Variants in VIPR2 observed in about 807,000 individuals in gnomAD.
VIPR2 encodes vasoactive intestinal peptide receptor 2.
Under a neutral mutation model 58.0 loss-of-function variants are expected in VIPR2, and 48 were observed. The ratio of observed to expected loss-of-function variants is 0.83; its 90% CI spans 0.66 to 1.05. VIPR2 has a LOEUF of 1.05. Among genes scored for constraint, VIPR2 ranks in the 50% least tolerant of loss-of-function variants. The pLI, the probability that VIPR2 is intolerant of heterozygous loss-of-function variation, is 0.00. For synonymous variants in VIPR2, 243 were observed against 235.2 expected, an observed-to-expected ratio of 1.03 and a Z score of -0.30; for missense variants, 534 against 558.0, an observed-to-expected ratio of 0.96 and a Z score of 0.43.
Position 159,064,620 on chromosome 7 carries a change from G to A in VIPR2, c.358-6042C>T, listed in dbSNP as rs557656888. 9.3e-4 allele frequency among the ~76,000 whole-genome samples: 141 copies of A among 152,232 alleles called. 2 individuals are homozygous for A. The highest frequency in any genetic ancestry group is 8.4e-4 in the Non-Finnish European group (57 of 67,992). On this transcript the variant is annotated intron_variant, in intron 4 of 12. Transcript: ENST00000262178. ...GTACAGGGCCTGGGTTTGGGTCCTG[G>A]GTGCAGTGGCACAGAGGCCGGCCAG...
At chr7:159,035,675 C>T (rs1853896060) in intron 8 of VIPR2, 1 of 984,542 alleles carries the variant, frequency 1.0e-6, no homozygotes. Flanking sequence ...GCTGTGCCCA[C>T]CGCAGGGGCT....
intron 4 of VIPR2, among the ~76,000 whole-genome samples, chr7:159,084,396 C>T (rs1437156826): frequency 1.3e-5 from 2 of 152,220 alleles, no homozygotes; most frequent in Non-Finnish European, 2.9e-5. Flanking sequence ...GAGACAGGAA[C>T]AGCGTGAGGC....
intron 2 of VIPR2, among the ~76,000 whole-genome samples, chr7:159,111,989 C>A (rs114829073): frequency 6.6e-6 from 1 of 151,836 alleles, no homozygotes; most frequent in Non-Finnish European, 1.5e-5. Flanking sequence ...CCAGCCCGGG[C>A]GACAGAGCGA....
intron 6 of VIPR2, among the ~76,000 whole-genome samples, chr7:159,041,638 A>AGGGTCCTGAGGGTCCGTCAT (rs1854343619): frequency 8.8e-6 from 1 of 113,940 alleles, no homozygotes; most frequent in African/African-American, 3.0e-5. Flanking sequence ...AGGGTCCGTC[A>AGGGTCCTGAGGGTCCGTCAT]GGGTCCTGAG....
At chr7:159,089,716 CAGCA>C (rs1857355065) in intron 4 of VIPR2, among the ~76,000 whole-genome samples, 1 of 152,100 alleles carries the variant, frequency 6.6e-6, no homozygotes, top group Non-Finnish European at 1.5e-5. Flanking sequence ...ACAACAACAA[CAGCA>C]AAAACCTGTC....
intron 2 of VIPR2, among the ~76,000 whole-genome samples, chr7:159,122,828 G>A (rs2129496938): frequency 6.6e-6 from 1 of 152,328 alleles, no homozygotes. Flanking sequence ...ACCAGTTGAG[G>A]TGGGAAAATC....
At chr7:159,101,547 C>T (rs549909824) in intron 4 of VIPR2, among the ~76,000 whole-genome samples, 79 of 123,968 alleles carry the variant, frequency 6.4e-4, no homozygotes, top group African/African-American at 2.4e-3. Context: ...GAGGCGGTTC[C>T]CCTGACTGTT....
rs116515248 is a variant in VIPR2 at position 159,113,652 on chromosome 7, G to A, written c.152-3733C>T. Among the ~76,000 whole-genome samples the A allele has an allele frequency of 5.5e-3, 843 of 152,228 alleles. 10 individuals are homozygous for A. The highest frequency in any genetic ancestry group is 0.017 in the African/African-American group (720 of 41,538). ...GTGAAAAACCCAGCAACAGAAAAAC[G>A]AGGAAAAGCATAAAGTTATGAAGAA... is the stretch of plus-strand genomic sequence containing the variant. On this transcript the variant is annotated intron_variant, in intron 2 of 12. Transcript: ENST00000262178.
In VIPR2 at chr7:159,030,605, C is replaced by T; in HGVS notation, c.*11G>A. Reference sequence around the variant, plus strand: ...TGGGCCTCCCGCCGCGTCCGACAGGCAGGGGTGGGGCTAGATGACCGAGGT... The same window carrying T: ...TGGGCCTCCCGCCGCGTCCGACAGGTAGGGGTGGGGCTAGATGACCGAGGT... On this transcript the variant is annotated 3_prime_UTR_variant, in exon 13 of 13. Coordinates refer to ENST00000262178, the MANE Select transcript of VIPR2 (RefSeq NM_003382.5). 4 of 1,524,310 alleles carry T rather than the reference C, an allele frequency of 2.6e-6. No individual in the cohort carries two copies. Among genetic ancestry groups the T allele is most frequent in the Non-Finnish European group, 3.5e-6 (4 of 1,132,614 alleles). The allele number at this position is 1,524,310 out of a possible 1,614,324, so 94.4% of individuals were successfully genotyped here.
At chr7:159,109,541 G>A (rs548891334) in intron 3 of VIPR2, among the ~76,000 whole-genome samples, 20 of 152,262 alleles carry the variant, frequency 1.3e-4, no homozygotes, top group African/African-American at 3.4e-4. Flanking sequence ...TCTCATGCAC[G>A]TTTCCCGTGC....
At chr7:159,084,867 T>C (rs1857092244) in intron 4 of VIPR2, among the ~76,000 whole-genome samples, 1 of 152,322 alleles carries the variant, frequency 6.6e-6, no homozygotes. Flanking sequence ...TCAAATGTTT[T>C]AGACACCGTC....
At chr7:159,126,137 T>A (rs1229337123) in intron 2 of VIPR2, among the ~76,000 whole-genome samples, 1 of 152,200 alleles carries the variant, frequency 6.6e-6, no homozygotes, top group Non-Finnish European at 1.5e-5. Flanking sequence ...GCTGAAACGG[T>A]GGCCCACACT....
intron 1 of VIPR2, 87 bp downstream of exon 1, chr7:159,144,634 G>A (rs1343614387): frequency 7.3e-6 from 10 of 1,379,128 alleles, no homozygotes; most frequent in Non-Finnish European, 9.4e-6. Context: ...CCGGGAGGAA[G>A]GCGAAGACCG....
At chr7:159,051,556 G>T (rs1194005101) in intron 5 of VIPR2, among the ~76,000 whole-genome samples, 3 of 152,190 alleles carry the variant, frequency 2.0e-5, no homozygotes, top group Non-Finnish European at 4.4e-5. Flanking sequence ...GTTGTCATAA[G>T]TAGACTGTGC....
intron 2 of VIPR2, among the ~76,000 whole-genome samples, chr7:159,118,699 TCTTAC>T (rs1796338991): frequency 1.3e-5 from 2 of 152,254 alleles, no homozygotes; most frequent in Non-Finnish European, 2.9e-5. Flanking sequence ...TGACTTTTTC[TCTTAC>T]CTTAAGAGAA....
At position 159,093,842 on chromosome 7, in the gene VIPR2, G is replaced by A. The variant is rs1857652186; in HGVS notation, c.357+9915C>T. 6.6e-6 allele frequency among the ~76,000 whole-genome samples: 1 copy of A among 152,158 alleles called. No homozygotes were observed. Among genetic ancestry groups the A allele is most frequent in the Non-Finnish European group, 1.5e-5 (1 of 68,032 alleles). ...TGGGTCCGGACATGGGAGAGGCCCC[G>A]CAGTGTCCCTGAGTCTCCTGGACAG... On this transcript the variant is annotated intron_variant, in intron 4 of 12. Coordinates refer to ENST00000262178, the MANE Select transcript of VIPR2 (RefSeq NM_003382.5). The surrounding 1 kb of genome is among the most constrained non-coding windows in gnomAD (Gnocchi z 6.7).
At chr7:159,063,417 C>T (rs1855840339) in intron 4 of VIPR2, among the ~76,000 whole-genome samples, 1 of 152,052 alleles carries the variant, frequency 6.6e-6, no homozygotes, top group African/African-American at 2.4e-5. Context: ...CCGGCAGCGC[C>T]GGCCGGCCGC....
chr7:159,092,409 G>T (rs566893948), intron 4 of VIPR2, among the ~76,000 whole-genome samples: 1 of 152,250 alleles, frequency 6.6e-6, no homozygotes, highest in Admixed American at 6.5e-5. Flanking sequence ...CCTCTCCTCT[G>T]GGATTTTCTC....
At chr7:159,052,593 G>A (rs1452598926) in intron 5 of VIPR2, among the ~76,000 whole-genome samples, 3 of 152,112 alleles carry the variant, frequency 2.0e-5, no homozygotes, top group Non-Finnish European at 4.4e-5. Flanking sequence ...TTGACTCATG[G>A]GAAAGGAAAA....
Sources: allele counts gnomAD v4.1 joint callset (sites outside exome capture counted in the v4.1 genomes callset), GRCh38; gene constraint gnomAD v4.1.1; non-coding constraint Gnocchi (gnomAD v3.1); transcripts MANE v1.5; gene names NCBI Gene and HGNC (gene_info 2026-07-23, HGNC 2026-07-21).